Variants in FOXP1 observed in about 807,000 individuals in gnomAD.
The protein encoded by FOXP1 is forkhead box protein P1.
Under a neutral mutation model 98.2 loss-of-function variants are expected in FOXP1, and 15 were observed. The ratio of observed to expected loss-of-function variants is 0.15; its 90% CI spans 0.10 to 0.24. The LOEUF (loss-of-function observed/expected upper bound fraction) is 0.24, where lower values mean the gene tolerates loss of function less well. Ranked by LOEUF, FOXP1 falls within the 10% of genes least tolerant of loss-of-function variation. The pLI, the probability that FOXP1 is intolerant of heterozygous loss-of-function variation, is 1.00. For synonymous variants in FOXP1, 371 were observed against 314.5 expected, an observed-to-expected ratio of 1.18 and a Z score of -1.90; for missense variants, 633 against 848.5, an observed-to-expected ratio of 0.75 and a Z score of 3.15.
intron 7 of FOXP1, among the ~76,000 whole-genome samples, chr3:71,061,182 TAAAAC>T (rs1247564728): frequency 6.6e-6 from 1 of 152,150 alleles, no homozygotes; most frequent in Non-Finnish European, 1.5e-5. Flanking sequence ...CTGAAAGGAC[TAAAAC>T]AAGAGTCCAG....
At chr3:71,194,228 T>C (rs1040857742) in intron 6 of FOXP1, among the ~76,000 whole-genome samples, 1 of 144,804 alleles carries the variant, frequency 6.9e-6, no homozygotes, top group Non-Finnish European at 1.5e-5. Flanking sequence ...CTCTCTATAC[T>C]GACTTGCAGA....
intron 6 of FOXP1, among the ~76,000 whole-genome samples, chr3:71,197,077 T>G (rs878118): frequency 0.3 from 44,918 of 152,114 alleles, 8,072 homozygotes; most frequent in African/African-American, 0.5. Context: ...ACATGCTTTA[T>G]AGCTTGTCTC....
At chr3:71,047,512 G>C (rs2049193593) in intron 9 of FOXP1, among the ~76,000 whole-genome samples, 1 of 152,184 alleles carries the variant, frequency 6.6e-6, no homozygotes, top group Admixed American at 6.5e-5. Context: ...GCCTGCACCG[G>C]CAGAAGCTTT....
At chr3:71,422,851 TACACACACACACAAGCGCGCAC>T (rs1315791785) in intron 3 of FOXP1, among the ~76,000 whole-genome samples, 1 of 151,508 alleles carries the variant, frequency 6.6e-6, no homozygotes, top group African/African-American at 2.4e-5. Context: ...CATTTCTGGG[TACACACACACACAAGCGCGCAC>T]ACACACACAC....
chr3:71,264,654 T>A (rs1047431682), intron 5 of FOXP1, among the ~76,000 whole-genome samples: 2 of 152,170 alleles, frequency 1.3e-5, no homozygotes, highest in Non-Finnish European at 2.9e-5. Context: ...GTTCCCAGCA[T>A]CCTTGTCATC....
chr3:71,112,651 C>A lies in FOXP1; in HGVS notation c.181-14G>T. 1 of 1,601,500 alleles carries A rather than the reference C, an allele frequency of 6.2e-7. No individual in the cohort carries two copies. The highest frequency in any genetic ancestry group is 8.6e-7 in the Non-Finnish European group (1 of 1,168,556). On this transcript the variant is annotated splice_polypyrimidine_tract_variant and intron_variant, in intron 6 of 20. Coordinates refer to ENST00000649528, the MANE Select transcript of FOXP1 (RefSeq NM_001349338.3). ...CACCTGAAGTGCCTGGAAGGAAAAA[C>A]AAGAAAATCCTTTGCGTTACTACAC...
At chr3:71,454,133 G>A (rs2087209475) in intron 3 of FOXP1, among the ~76,000 whole-genome samples, 1 of 152,162 alleles carries the variant, frequency 6.6e-6, no homozygotes, top group South Asian at 2.1e-4. Context: ...CAGTGACCCT[G>A]GAGTTTAGAA....
intron 6 of FOXP1, among the ~76,000 whole-genome samples, chr3:71,153,546 A>G (rs1179926279): frequency 1.5e-4 from 8 of 53,660 alleles, no homozygotes; most frequent in Non-Finnish European, 2.1e-4. Context: ...CATGCTTGAG[A>G]AAAAAAAAAA....
At chr3:71,079,039 A>C (rs1257314084) in intron 7 of FOXP1, among the ~76,000 whole-genome samples, 1 of 152,130 alleles carries the variant, frequency 6.6e-6, no homozygotes, top group Non-Finnish European at 1.5e-5. Context: ...CCTTCCTGCT[A>C]AAGTCCTAAA....
intron 13 of FOXP1, among the ~76,000 whole-genome samples, chr3:70,999,916 T>G (rs2041898297): frequency 1.3e-5 from 2 of 152,190 alleles, no homozygotes; most frequent in East Asian, 3.8e-4. Flanking sequence ...ATTGTTTTAA[T>G]TTCCCCTAGT....
chr3:71,569,164 C>G (rs927794637), intron 2 of FOXP1, among the ~76,000 whole-genome samples: 2 of 152,102 alleles, frequency 1.3e-5, no homozygotes, highest in Non-Finnish European at 2.9e-5. Context: ...TGTCAGAGCT[C>G]AAGAAAAAGC....
At chr3:71,529,361 C>G (rs2043644335) in intron 2 of FOXP1, among the ~76,000 whole-genome samples, 1 of 152,208 alleles carries the variant, frequency 6.6e-6, no homozygotes, top group African/African-American at 2.4e-5. Context: ...TTGCATCAAA[C>G]TCCTTATGAC....
At chr3:71,580,192 T>TTTGA (rs2048049361) in intron 2 of FOXP1, among the ~76,000 whole-genome samples, 2 of 27,860 alleles carry the variant, frequency 7.2e-5, no homozygotes, top group Admixed American at 2.4e-4. Flanking sequence ...AAAAAAGTGA[T>TTTGA]TTTTTTTTTC....
At chr3:71,358,285 T>C (rs1465280571) in intron 4 of FOXP1, among the ~76,000 whole-genome samples, 1 of 152,090 alleles carries the variant, frequency 6.6e-6, no homozygotes, top group African/African-American at 2.4e-5. Flanking sequence ...TCATCCATAT[T>C]TGATACTAAA....
intron 17 of FOXP1, among the ~76,000 whole-genome samples, chr3:70,976,192 A>G (rs565857506): frequency 2.2e-4 from 34 of 151,534 alleles, no homozygotes; most frequent in African/African-American, 7.8e-4. Context: ...TGTTGACCAC[A>G]GGTGCATGCC....
intron 9 of FOXP1, 129 bp downstream of exon 9, chr3:71,052,408 G>T: frequency 2.7e-6 from 2 of 732,362 alleles, no homozygotes; most frequent in Non-Finnish European, 2.5e-6. Context: ...ATAATTCTCA[G>T]TCTGAAAGCT....
At chr3:71,238,153 T>C (rs888424678) in intron 5 of FOXP1, among the ~76,000 whole-genome samples, 1 of 152,222 alleles carries the variant, frequency 6.6e-6, no homozygotes, top group African/African-American at 2.4e-5. Context: ...AGGCTACATA[T>C]AGATTAGCGG....
chr3:71,425,293 T>C (rs1291848253), intron 3 of FOXP1, among the ~76,000 whole-genome samples: 2 of 152,168 alleles, frequency 1.3e-5, no homozygotes, highest in African/African-American at 4.8e-5. Context: ...TTATTTGTTG[T>C]TGTTGTATTT....
chr3:71,407,288 G>A (rs545847516), intron 3 of FOXP1, among the ~76,000 whole-genome samples: 1 of 152,174 alleles, frequency 6.6e-6, no homozygotes, highest in Admixed American at 6.5e-5. Context: ...TGTGTATTGG[G>A]TTGTTTTTTG....
Sources: gnomAD v4.1 joint callset for allele counts (sites outside exome capture counted in the v4.1 genomes callset) on GRCh38, gnomAD v4.1.1 for gene constraint, MANE v1.5 for transcripts, NCBI Gene and HGNC (gene_info 2026-07-23, HGNC 2026-07-21) for gene names.